Variants in CHLSN observed in about 807,000 individuals in gnomAD.
CHLSN encodes the protein protein cholesin.
chr7:1,007,951 G>C, the CHLSN span, among the ~76,000 whole-genome samples: 5 of 152,090 alleles, frequency 3.3e-5, no homozygotes, highest in Admixed American at 6.5e-5. Flanking sequence ...TGGAGCGGAT[G>C]GTCCCCCCTC....
the CHLSN span, among the ~76,000 whole-genome samples, chr7:1,076,933 C>T: frequency 6.6e-6 from 1 of 152,260 alleles, no homozygotes; most frequent in Admixed American, 6.5e-5. Flanking sequence ...GGCCCCTGCT[C>T]TGCAGCCAAG....
At chr7:1,002,162 T>G in the CHLSN span, among the ~76,000 whole-genome samples, 9 of 58,130 alleles carry the variant, frequency 1.5e-4, no homozygotes, top group Middle Eastern at 0.015. Context: ...TGTGGGTGAG[T>G]GGAGTCCTGC....
At chr7:1,008,883 C>G in the CHLSN span, among the ~76,000 whole-genome samples, 2 of 110,876 alleles carry the variant, frequency 1.8e-5, no homozygotes, top group African/African-American at 8.8e-5. Flanking sequence ...ACGCAACACT[C>G]GTATACACAT....
the CHLSN span, among the ~76,000 whole-genome samples, chr7:1,103,655 C>T: frequency 6.6e-6 from 1 of 152,222 alleles, no homozygotes; most frequent in East Asian, 1.9e-4. Flanking sequence ...TTCAGAAATT[C>T]AGACCACGCT....
chr7:1,022,951 G>T, the CHLSN span: 2 of 469,120 alleles, frequency 4.3e-6, no homozygotes, highest in Non-Finnish European at 4.3e-6. Context: ...ACTGGGGCAG[G>T]CGCCGGCTCT....
At chr7:1,058,668 G>A in the CHLSN span, 1 of 611,754 alleles carries the variant, frequency 1.6e-6, no homozygotes, top group Non-Finnish European at 3.0e-6. Flanking sequence ...TCCCACAAAT[G>A]CCACTCTTGG....
chr7:986,726 G>A, the CHLSN span: 1 of 1,611,198 alleles, frequency 6.2e-7, no homozygotes, highest in Non-Finnish European at 8.5e-7. Flanking sequence ...CCTCCTGGAG[G>A]CGCGGAGGCC....
At chr7:1,048,200 G>A in the CHLSN span, among the ~76,000 whole-genome samples, 2 of 152,202 alleles carry the variant, frequency 1.3e-5, no homozygotes, top group African/African-American at 4.8e-5. Flanking sequence ...GCAAAAGACA[G>A]TGTGAAAGAG....
chr7:1,013,700 C>A, the CHLSN span, among the ~76,000 whole-genome samples: 403 of 152,312 alleles, frequency 2.6e-3, 1 homozygote, highest in African/African-American at 9.3e-3. Context: ...GAAGCACCGG[C>A]CTGTCACAGA....
chr7:992,209 C>A, the CHLSN span, among the ~76,000 whole-genome samples: 1 of 152,210 alleles, frequency 6.6e-6, no homozygotes, highest in Non-Finnish European at 1.5e-5. Context: ...TCTAGGTCTC[C>A]AGGGAAGGAC....
At chr7:1,127,207 T>C in the CHLSN span, 1 of 1,544,700 alleles carries the variant, frequency 6.5e-7, no homozygotes, top group African/African-American at 1.4e-5. Context: ...CCAGATCAGA[T>C]AACAGGTGGA....
chr7:1,065,524 C>G, the CHLSN span, among the ~76,000 whole-genome samples: 1 of 152,220 alleles, frequency 6.6e-6, no homozygotes, highest in Non-Finnish European at 1.5e-5. Context: ...CAGGGTGAAC[C>G]TCACAAAACA....
chr7:1,130,442 C>T, the CHLSN span, among the ~76,000 whole-genome samples: 653 of 152,174 alleles, frequency 4.3e-3, 7 homozygotes, highest in African/African-American at 0.015. Flanking sequence ...GCCCGGCCCA[C>T]GCCTGCTGCT....
the CHLSN span, among the ~76,000 whole-genome samples, chr7:1,000,154 G>A: frequency 2.6e-5 from 4 of 152,304 alleles, no homozygotes; most frequent in South Asian, 4.1e-4. Flanking sequence ...CAAAGGCACC[G>A]GGAGACCTGC....
At chr7:1,117,319 C>A in the CHLSN span, among the ~76,000 whole-genome samples, 4 of 94,818 alleles carry the variant, frequency 4.2e-5, no homozygotes, top group Non-Finnish European at 8.4e-5. Flanking sequence ...CTCTACAGAC[C>A]GGCTTCCATC....
chr7:1,073,347 TC>T, the CHLSN span, among the ~76,000 whole-genome samples: 1 of 152,130 alleles, frequency 6.6e-6, no homozygotes, highest in African/African-American at 2.4e-5. Flanking sequence ...CACTCCCGTT[TC>T]GGAGACAAGT....
the CHLSN span, among the ~76,000 whole-genome samples, chr7:1,131,191 TAA>T: frequency 3.0e-3 from 350 of 117,190 alleles, 2 homozygotes; most frequent in East Asian, 7.3e-3. Context: ...ACCTTGTGTT[TAA>T]AAAAAAAAAA....
the CHLSN span, chr7:987,265 C>A: frequency 1.3e-6 from 2 of 1,504,376 alleles, no homozygotes; most frequent in South Asian, 2.5e-5. Context: ...CGGCGCCTGG[C>A]GAGACGGCTC....
the CHLSN span, among the ~76,000 whole-genome samples, chr7:1,100,522 C>T: frequency 0.14 from 20,558 of 152,280 alleles, 1,637 homozygotes; most frequent in Middle Eastern, 0.27. Flanking sequence ...CTCCACCTCA[C>T]CAAGCGGCGT....
Sources: gnomAD v4.1 joint callset for allele counts (sites outside exome capture counted in the v4.1 genomes callset) on GRCh38, gnomAD v4.1.1 for gene constraint, MANE v1.5 for transcripts, NCBI Gene and HGNC (gene_info 2026-07-23, HGNC 2026-07-21) for gene names.